Variants in NOS3 observed in about 807,000 individuals in gnomAD.
NOS3 encodes nitric oxide synthase 3, also known as NOS type III.
In NOS3, 98 loss-of-function variants were observed where a neutral mutation model predicts 144.9. That is an observed-to-expected ratio of 0.68 (90% confidence interval 0.57 to 0.80). The LOEUF is 0.80. NOS3 is among the 30% of genes least tolerant of loss of function. The pLI is 0.00. For missense variants in NOS3, 1,465 were observed against 1,656.4 expected, an observed-to-expected ratio of 0.88 and a Z score of 2.01; for synonymous variants, 714 against 702.4, an observed-to-expected ratio of 1.02 and a Z score of -0.26.
intron 24 of NOS3, 97 bp from the exon 25 acceptor site, chr7:151,013,134 C>G (rs745534596): frequency 1.5e-5 from 20 of 1,367,412 alleles, no homozygotes; most frequent in Non-Finnish European, 2.0e-5. Flanking sequence ...CAGCCCAAAA[C>G]GCTGGGCTGC....
At chr7:151,008,404 A>G (rs879501018) in intron 17 of NOS3, among the ~76,000 whole-genome samples, 1 of 152,188 alleles carries the variant, frequency 6.6e-6, no homozygotes, top group Non-Finnish European at 1.5e-5. Context: ...GACGGGATCC[A>G]CACCCTCCCA....
At chr7:150,995,556 CTT>C (rs1802361631) in intron 3 of NOS3, among the ~76,000 whole-genome samples, 2 of 133,608 alleles carry the variant, frequency 1.5e-5, no homozygotes, top group Admixed American at 7.3e-5. Flanking sequence ...CCCTGCACCC[CTT>C]TCCCCCCTCC....
chr7:151,007,162 C>T lies in NOS3; in HGVS notation c.1998C>T (p.Ala666=), dbSNP rs2566514. ...CCCACTTCTGCGCCTTTGCTCGTGC[C>T]GTGGACACACGGCTGGAGGAACTGG... The part of the protein sequence containing the change: ...AYPHFCAFAR[A]VDTRLEELGG... The change falls in exon 17 of 27, where the codon GCC becomes GCT. Residue 666 remains alanine, a synonymous_variant. Transcript: ENST00000297494. 14 of 1,613,528 alleles carry T rather than the reference C, an allele frequency of 8.7e-6. No individual in the cohort carries two copies. The highest frequency in any genetic ancestry group is 2.2e-5 in the East Asian group (1 of 44,866).
At position 151,002,360 on chromosome 7, in the gene NOS3, T is replaced by C. The variant is rs1478421679; in HGVS notation, c.1752+56T>C. On this transcript the variant is annotated intron_variant, in intron 14 of 26. Coordinates refer to ENST00000297494, the MANE Select transcript of NOS3 (RefSeq NM_000603.5). The surrounding 1 kb of genome is among the most constrained non-coding windows in gnomAD (Gnocchi z 4.1). ...AATGAGGAGAGACTCAGAATTGGAGTGACTGGGCAGGAACCTCTGCCCAAC... is the reference window on the plus strand; with the variant it reads ...AATGAGGAGAGACTCAGAATTGGAGCGACTGGGCAGGAACCTCTGCCCAAC... The C allele has an allele frequency of 5.0e-6, 4 of 801,608 alleles. No homozygotes were observed. Among genetic ancestry groups the C allele is most frequent in the Non-Finnish European group, 8.0e-6 (4 of 499,206 alleles). 49.7% of individuals were successfully genotyped at this position (801,608 alleles called of 1,614,324 possible).
At chr7:151,009,722 C>T (rs1795265330) in intron 20 of NOS3, 137 bp downstream of exon 20, 2 of 730,420 alleles carry the variant, frequency 2.7e-6, no homozygotes, top group South Asian at 3.8e-5. Context: ...AGGCTCAGAG[C>T]TGGCTGTGCT....
intron 4 of NOS3, 94 bp downstream of exon 4, chr7:150,996,646 C>T (rs2117104981): frequency 6.7e-7 from 1 of 1,493,590 alleles, no homozygotes; most frequent in Non-Finnish European, 9.1e-7. Flanking sequence ...CTTCCCAGAT[C>T]CTAACACCAC....
intron 4 of NOS3, 69 bp from the exon 5 acceptor site, chr7:150,996,694 G>A: frequency 6.5e-7 from 1 of 1,541,850 alleles, no homozygotes; most frequent in Non-Finnish European, 8.8e-7. Flanking sequence ...CTTGCACAAA[G>A]CCTGGAGGAG....
At chr7:150,996,663 C>T in intron 4 of NOS3, 100 bp from the exon 5 acceptor site, 2 of 1,464,722 alleles carry the variant, frequency 1.4e-6, no homozygotes, top group East Asian at 2.3e-5. Context: ...CCACGTGGGC[C>T]CCTCCCGCCC....
rs1795120600 is a variant in NOS3, at chr7:151,002,184, G to A, written c.1648-16G>A. Reference sequence around the variant, plus strand: ...GGGGGCCACAGCACCCAGGACATCTGTCTTCCCACCCACAGGTCCTGTGTA... The same window carrying A: ...GGGGGCCACAGCACCCAGGACATCTATCTTCCCACCCACAGGTCCTGTGTA... On this transcript the variant is annotated splice_polypyrimidine_tract_variant and intron_variant, in intron 13 of 26. Transcript: ENST00000297494. The surrounding 1 kb of genome is among the most constrained non-coding windows in gnomAD (Gnocchi z 4.1). 1.3e-6 allele frequency: 2 copies of A among 1,562,334 alleles called. No homozygotes were observed. Among genetic ancestry groups the A allele is most frequent in the Non-Finnish European group, 1.7e-6 (2 of 1,145,098 alleles).
chr7:150,993,835 C>T lies in NOS3; in HGVS notation c.32C>T (p.Pro11Leu). The change falls in exon 2 of 27, where the codon CCT (proline) becomes CTT (leucine). Residue 11 changes from proline (P) to leucine (L), a missense_variant. Around this residue, in one of 5 missense-constraint regions of NOS3, gnomAD observed 374 missense variants for 377.0 expected, o/e 0.99. Transcript: ENST00000297494. The surrounding 1 kb of genome is among the most constrained non-coding windows in gnomAD (Gnocchi z 4.0). MGNLKSVAQE[P>L]GPPCGLGLGL... ...AACTTGAAGAGCGTGGCCCAGGAGC[C>T]TGGGCCACCCTGCGGCCTGGGGCTG... is the stretch of plus-strand genomic sequence containing the variant. The T allele has an allele frequency of 6.2e-7, 1 of 1,600,424 alleles. No individual in the cohort carries two copies. Among genetic ancestry groups the T allele is most frequent in the Non-Finnish European group, 8.5e-7 (1 of 1,176,438 alleles).
At position 151,000,596 on chromosome 7, in the gene NOS3, C is replaced by T; in HGVS notation, c.1230C>T (p.Tyr410=). Residue 410 remains tyrosine (Y), a synonymous_variant, in exon 10 of 27, where the codon TAC becomes TAT. Transcript: ENST00000297494. ...VEINVAVLHS[Y]QLAKVTIVDH... is the part of the protein sequence containing the mutation. ...TCAACGTGGCCGTGCTGCACAGTTA[C>T]CAGGTGCAGAGGCCCAGACTGGCCA... 2.5e-6 allele frequency: 4 copies of T among 1,606,502 alleles called. No homozygotes were observed. Among genetic ancestry groups the T allele is most frequent in the Non-Finnish European group, 3.4e-6 (4 of 1,173,668 alleles).
chr7:151,012,496 G>A, intron 24 of NOS3, 24 bp downstream of exon 24: 1 of 1,603,598 alleles, frequency 6.2e-7, no homozygotes, highest in Non-Finnish European at 8.5e-7. Flanking sequence ...CTAAAGGACT[G>A]CCTGAAGGGA....
chr7:151,000,761 C>T (rs991165265), intron 10 of NOS3, among the ~76,000 whole-genome samples, 162 bp downstream of exon 10: 7 of 152,152 alleles, frequency 4.6e-5, no homozygotes, highest in African/African-American at 7.2e-5. Context: ...GCCTGCGGTT[C>T]GGGGACAGGG....
At chr7:151,006,159 C>G (rs535457730) in intron 14 of NOS3, among the ~76,000 whole-genome samples, 6 of 152,090 alleles carry the variant, frequency 3.9e-5, no homozygotes, top group Non-Finnish European at 8.8e-5. Flanking sequence ...TGCACATGCA[C>G]GTAAGTTCAA....
At chr7:150,999,814 G>A (rs1250386424) in intron 9 of NOS3, among the ~76,000 whole-genome samples, 6 of 145,788 alleles carry the variant, frequency 4.1e-5, no homozygotes, top group Admixed American at 4.1e-4. Flanking sequence ...GGGTAGGCGA[G>A]TGTGGGTTTG....
At chr7:150,991,354 G>C (rs1048231671) in intron 1 of NOS3, 54 bp downstream of exon 1, 2 of 152,408 alleles carry the variant, frequency 1.3e-5, no homozygotes, top group Non-Finnish European at 2.9e-5. Flanking sequence ...AGCTGCCCAG[G>C]CTGGGCCTCA....
At position 150,995,202 on chromosome 7, in the gene NOS3, G is replaced by GC. The variant is rs1323072201; in HGVS notation, c.164dup (p.Ser56GlufsTer27). The GC allele has an allele frequency of 3.8e-6, 6 of 1,576,360 alleles. No homozygotes were observed. The highest frequency in any genetic ancestry group is 1.3e-5 in the African/African-American group (1 of 74,094). ...ATGACCCTATCCCTGGCTCCCAACA[G>GC]CCCCCCGAGCTCCCCGCTAACCCAG... On this transcript the variant is annotated frameshift_variant and splice_region_variant. Coordinates refer to ENST00000297494, the MANE Select transcript of NOS3 (RefSeq NM_000603.5). LOFTEE classifies it high-confidence loss of function.
intron 2 of NOS3, among the ~76,000 whole-genome samples, chr7:150,994,883 G>T (rs1802335280): frequency 6.6e-6 from 1 of 152,164 alleles, no homozygotes; most frequent in Non-Finnish European, 1.5e-5. Flanking sequence ...TCCCCCTCAG[G>T]GTAGGGCTTA....
At chr7:150,996,606 C>A in intron 4 of NOS3, 54 bp downstream of exon 4, 1 of 1,547,776 alleles carries the variant, frequency 6.5e-7, no homozygotes, top group Non-Finnish European at 8.7e-7. Flanking sequence ...GCCCCAGAAA[C>A]CCCGTGACGA....
Sources: allele counts gnomAD v4.1 joint callset (sites outside exome capture counted in the v4.1 genomes callset), GRCh38; gene constraint gnomAD v4.1.1; regional missense constraint gnomAD v4.1.1; non-coding constraint Gnocchi (gnomAD v3.1); transcripts MANE v1.5; gene names NCBI Gene and HGNC (gene_info 2026-07-23, HGNC 2026-07-21).